Variants in TLE1 observed in about 807,000 individuals in gnomAD.
TLE1 encodes TLE family member 1, transcriptional corepressor.
In TLE1, 21 loss-of-function variants were observed where a neutral mutation model predicts 89.8. The observed-to-expected ratio is 0.23, with a 90% confidence interval of 0.17 to 0.34. The LOEUF is 0.34. Ranked by LOEUF, TLE1 falls within the 10% of genes least tolerant of loss-of-function variation. The pLI is 1.00. For synonymous variants in TLE1, 447 were observed against 407.6 expected (o/e 1.10, Z -1.16); for missense variants, 795 against 1,031.2 (o/e 0.77, Z 3.14).
intron 4 of TLE1, among the ~76,000 whole-genome samples, chr9:81,663,092 C>T (rs529438734): frequency 1.1e-4 from 17 of 152,224 alleles, no homozygotes; most frequent in East Asian, 1.9e-4. Flanking sequence ...ATTATCCACA[C>T]GCCTCGGCCC....
intron 6 of TLE1, among the ~76,000 whole-genome samples, chr9:81,644,673 A>G: frequency 6.6e-6 from 1 of 152,186 alleles, no homozygotes; most frequent in South Asian, 2.1e-4. Flanking sequence ...TGAATACGCT[A>G]AAAACCACAG....
Position 81,600,123 on chromosome 9 carries a change from A to C in TLE1, c.1332-6849T>G, listed in dbSNP as rs755595344. On this transcript the variant is annotated intron_variant, in intron 14 of 19. Coordinates refer to ENST00000376499, the MANE Select transcript of TLE1 (RefSeq NM_005077.5). The stretch of plus-strand genomic sequence containing the variant: ...TGGGGCAGGAACAAGGCTCCTAAAC[A>C]GGACAAAGATACAAATGGAGAAATT... 8 of 738,890 alleles carry C rather than the reference A, an allele frequency of 1.1e-5. No individual in the cohort carries two copies. In the South Asian group the frequency reaches 1.2e-4, roughly 11 times the overall value. 45.8% of individuals were successfully genotyped at this position (738,890 alleles called of 1,614,324 possible).
chr9:81,644,385 T>A (rs1236966895), intron 6 of TLE1, among the ~76,000 whole-genome samples: 1 of 152,120 alleles, frequency 6.6e-6, no homozygotes, highest in South Asian at 2.1e-4. Context: ...TAATTGTCAA[T>A]AAAAAGGACT....
intron 6 of TLE1, among the ~76,000 whole-genome samples, chr9:81,639,306 T>C (rs868565779): frequency 2.0e-5 from 3 of 152,022 alleles, no homozygotes; most frequent in Non-Finnish European, 4.4e-5. Flanking sequence ...CTTCAAGCAA[T>C]CCTCCTGCCT....
intron 4 of TLE1, among the ~76,000 whole-genome samples, chr9:81,661,357 A>T (rs556842746): frequency 3.3e-5 from 5 of 151,966 alleles, no homozygotes; most frequent in African/African-American, 1.2e-4. Flanking sequence ...GCGCCCGCAC[A>T]CTTCCCCACT....
intron 8 of TLE1, among the ~76,000 whole-genome samples, chr9:81,624,967 C>A (rs188963312): frequency 2.3e-3 from 344 of 152,130 alleles, no homozygotes; most frequent in African/African-American, 7.8e-3. Context: ...CTTGTGGGTA[C>A]AGGGTCAAGT....
intron 19 of TLE1, 43 bp from the exon 20 acceptor site, chr9:81,584,348 G>A (rs763305957): frequency 2.2e-5 from 36 of 1,608,132 alleles, no homozygotes; most frequent in South Asian, 5.5e-5. Context: ...GTGGAACAAC[G>A]GTACTCAGAG....
intron 4 of TLE1, among the ~76,000 whole-genome samples, chr9:81,656,075 G>T (rs1830120448): frequency 6.6e-6 from 1 of 152,106 alleles, no homozygotes; most frequent in Non-Finnish European, 1.5e-5. Context: ...GTACTAGAAG[G>T]GGAAATGACT....
intron 14 of TLE1, among the ~76,000 whole-genome samples, chr9:81,597,732 T>C (rs1055989123): frequency 9.9e-5 from 15 of 152,182 alleles, no homozygotes; most frequent in African/African-American, 3.1e-4. Context: ...ACTTCACAGA[T>C]GTAAAACATG....
chr9:81,639,603 G>A (rs965309149), intron 6 of TLE1, among the ~76,000 whole-genome samples: 22 of 37,158 alleles, frequency 5.9e-4, no homozygotes, highest in Admixed American at 3.6e-3. Context: ...TTTTTTTTTT[G>A]AGACAGTCTC....
intron 6 of TLE1, among the ~76,000 whole-genome samples, chr9:81,645,683 T>A (rs896931896): frequency 2.7e-5 from 4 of 150,004 alleles, no homozygotes; most frequent in African/African-American, 9.8e-5. Context: ...GAGGCTGTGG[T>A]GAGCTGAGAT....
chr9:81,589,485 C>T (rs911638), intron 16 of TLE1, among the ~76,000 whole-genome samples: 26,707 of 152,148 alleles, frequency 0.18, 2,912 homozygotes, highest in Middle Eastern at 0.31. Flanking sequence ...ATTTGTAAGA[C>T]GCTACCCCAT....
intron 1 of TLE1, among the ~76,000 whole-genome samples, 186 bp downstream of exon 1, chr9:81,688,031 G>A (rs539300601): frequency 3.3e-5 from 5 of 152,040 alleles, no homozygotes; most frequent in Non-Finnish European, 7.4e-5. Context: ...CCCAAAGGGA[G>A]GGAGAAAATT....
At chr9:81,644,982 T>C (rs145094903) in intron 6 of TLE1, among the ~76,000 whole-genome samples, 4,387 of 109,302 alleles carry the variant, frequency 0.04, 108 homozygotes, top group Middle Eastern at 0.065. Flanking sequence ...GCCTGGGTGA[T>C]AGAGTGAGAC....
intron 7 of TLE1, chr9:81,633,569 T>A: frequency 3.0e-6 from 2 of 674,996 alleles, no homozygotes; most frequent in Non-Finnish European, 4.8e-6. Context: ...ATTTACAGTT[T>A]AACCATACAC....
intron 4 of TLE1, among the ~76,000 whole-genome samples, chr9:81,667,293 G>A (rs963484904): frequency 2.0e-4 from 30 of 150,472 alleles, no homozygotes; most frequent in African/African-American, 7.1e-4. Flanking sequence ...CTACTCAGAA[G>A]GCTGAGGTAC....
rs967406210 is a variant in TLE1, at chr9:81,675,724, C to T, written c.234+9952G>A. Among the ~76,000 whole-genome samples, 9 of 74,058 alleles carry T rather than the reference C, an allele frequency of 1.2e-4. No homozygotes were observed. In the South Asian group the frequency reaches 1.5e-3, roughly 12 times the overall value. The allele number at this position is 74,058 out of a possible 152,430, so 48.6% of individuals were successfully genotyped here. ...TTTTTTTTTGTTTTTTTTTTTGAGACGGAGTCTCGCTCTGTCGCCAGGCTG... is the reference window on the plus strand; with the variant it reads ...TTTTTTTTTGTTTTTTTTTTTGAGATGGAGTCTCGCTCTGTCGCCAGGCTG... On this transcript the variant is annotated intron_variant, in intron 4 of 19. Coordinates refer to ENST00000376499, the MANE Select transcript of TLE1 (RefSeq NM_005077.5).
chr9:81,616,071 G>C lies in TLE1; in HGVS notation c.829C>G (p.Arg277Gly). Residue 277 changes from arginine to glycine, a missense_variant, in exon 11 of 20, where the codon CGC becomes GGC. This residue lies in a region of TLE1 where 468 missense variants were observed against 509.1 expected (regional missense o/e 0.92). Coordinates refer to ENST00000376499, the MANE Select transcript of TLE1 (RefSeq NM_005077.5). ...SPRENGIDKN[R>G]LLKKDASSSP... ...CTAGAAGCATCCTTCTTTAGCAGGC[G>C]ATTTTTGTCGATTCCATTTTCCCGG... is the stretch of plus-strand genomic sequence containing the variant. 3 of 1,614,156 alleles carry C rather than the reference G, an allele frequency of 1.9e-6. No homozygotes were observed. Among genetic ancestry groups the C allele is most frequent in the Non-Finnish European group, 2.5e-6 (3 of 1,180,018 alleles).
At chr9:81,612,936 T>G (rs1040922770) in intron 12 of TLE1, among the ~76,000 whole-genome samples, 3 of 152,154 alleles carry the variant, frequency 2.0e-5, no homozygotes, top group Non-Finnish European at 4.4e-5. Context: ...CAGGCGCCTG[T>G]AATCCCAGCT....
Sources: gnomAD v4.1 joint callset for allele counts (sites outside exome capture counted in the v4.1 genomes callset) on GRCh38, gnomAD v4.1.1 for gene constraint, gnomAD v4.1.1 regional missense constraint, MANE v1.5 for transcripts, NCBI Gene and HGNC (gene_info 2026-07-23, HGNC 2026-07-21) for gene names.